Variants in SYNGR4 observed in about 807,000 individuals in gnomAD.
The protein encoded by SYNGR4 is synaptogyrin-4.
A neutral mutation model predicts 15.5 loss-of-function variants in SYNGR4; 15 were observed. The observed-to-expected ratio is 0.97, with a 90% CI of 0.65 to 1.49. SYNGR4 has a LOEUF of 1.49. Among genes scored for constraint, SYNGR4 ranks in the 40% most tolerant of loss-of-function variants. The pLI, the probability that SYNGR4 is intolerant of heterozygous loss-of-function variation, is 0.00. For missense variants in SYNGR4, 292 were observed against 299.3 expected (o/e 0.98, Z 0.18); for synonymous variants, 121 against 127.4 (o/e 0.95, Z 0.34).
intron 1 of SYNGR4, among the ~76,000 whole-genome samples, chr19:48,365,180 C>G (rs1022881460): frequency 6.6e-6 from 1 of 151,426 alleles, no homozygotes; most frequent in East Asian, 1.9e-4. Flanking sequence ...CCTCCCCACA[C>G]GACACCTTGC....
chr19:48,373,884 G>A (rs1970355537), intron 3 of SYNGR4, 130 bp downstream of exon 3: 3 of 877,264 alleles, frequency 3.4e-6, no homozygotes, highest in Admixed American at 2.0e-5. Flanking sequence ...CTCCCAGTAG[G>A]AGGCATCTGA....
At position 48,373,358 on chromosome 19, in the gene SYNGR4, G is replaced by T. The variant is rs1204055822; in HGVS notation, c.94-159G>T. On this transcript the variant is annotated intron_variant, in intron 2 of 4. Coordinates refer to ENST00000344846, the MANE Select transcript of SYNGR4 (RefSeq NM_012451.4). Reference sequence around the variant, plus strand: ...CAGGATGGAGCAGAGGGGACGAGGGGCAGGAAGCTGAGGGCTCTGACACTG... The same window carrying T: ...CAGGATGGAGCAGAGGGGACGAGGGTCAGGAAGCTGAGGGCTCTGACACTG... 6 of 670,932 alleles carry T rather than the reference G, an allele frequency of 8.9e-6. No homozygotes were observed. The East Asian group carries it at 1.3e-4, about 15-fold the overall frequency. 41.6% of individuals were successfully genotyped at this position (670,932 alleles called of 1,614,324 possible).
intron 2 of SYNGR4, among the ~76,000 whole-genome samples, chr19:48,372,842 A>T (rs1970330139): frequency 2.0e-5 from 3 of 152,160 alleles, no homozygotes; most frequent in African/African-American, 7.2e-5. Context: ...TGAACCTAAG[A>T]AATTAATAGG....
chr19:48,374,825 A>C (rs1388284856), intron 3 of SYNGR4, among the ~76,000 whole-genome samples: 1 of 151,708 alleles, frequency 6.6e-6, no homozygotes, highest in Non-Finnish European at 1.5e-5. Context: ...AAAATACAAA[A>C]ATTAGCTGGG....
In SYNGR4 at chr19:48,371,370, C is replaced by T. The variant is rs557528046; in HGVS notation, c.94-2147C>T. 5.9e-5 allele frequency among the ~76,000 whole-genome samples: 9 copies of T among 151,686 alleles called. No individual in the cohort carries two copies. In the East Asian group the frequency reaches 9.7e-4, roughly 16 times the overall value. On this transcript the variant is annotated intron_variant, in intron 2 of 4. Coordinates refer to ENST00000344846, the MANE Select transcript of SYNGR4 (RefSeq NM_012451.4). ...CCACCACCCCATCTACACACCAGCT[C>T]GTCTTTGTCTGGCACAGACCTGCCC...
At position 48,365,766 on chromosome 19, in the gene SYNGR4, C is replaced by A; in HGVS notation, c.-77C>A. 2 of 1,514,126 alleles carry A rather than the reference C, an allele frequency of 1.3e-6. No homozygotes were observed. The highest frequency in any genetic ancestry group is 1.8e-6 in the Non-Finnish European group (2 of 1,097,204). The allele number at this position is 1,514,126 out of a possible 1,614,324, so 93.8% of individuals were successfully genotyped here. A position where few individuals can be genotyped will look rare whatever the true frequency, so the allele number is the denominator to read the frequency against. Reference sequence around the variant, plus strand: ...AAGCCCAGGGCTGGCCTGAAGCCCCCGGACGGCAGTGCCCAGCAGGCAGCG... The same window carrying A: ...AAGCCCAGGGCTGGCCTGAAGCCCCAGGACGGCAGTGCCCAGCAGGCAGCG... On this transcript the variant is annotated 5_prime_UTR_variant, in exon 2 of 5. Transcript: ENST00000344846.
At chr19:48,373,471 C>T in intron 2 of SYNGR4, 46 bp from the exon 3 acceptor site, 1 of 1,546,626 alleles carries the variant, frequency 6.5e-7, no homozygotes, top group Admixed American at 1.7e-5. Context: ...GGAGGAGCAG[C>T]TTCAGGGAGA....
At chr19:48,367,023 G>A (rs942621290) in intron 2 of SYNGR4, among the ~76,000 whole-genome samples, 3 of 151,970 alleles carry the variant, frequency 2.0e-5, no homozygotes, top group Non-Finnish European at 2.9e-5. Context: ...GCATGGTGGC[G>A]CAAGCCTGTA....
intron 2 of SYNGR4, among the ~76,000 whole-genome samples, chr19:48,369,913 C>T (rs1970279370): frequency 6.6e-6 from 1 of 152,178 alleles, no homozygotes; most frequent in South Asian, 2.1e-4. Flanking sequence ...CCAAGGGTTG[C>T]TGTGCAGATC....
intron 3 of SYNGR4, 44 bp from the exon 4 acceptor site, chr19:48,375,569 G>A: frequency 6.3e-7 from 1 of 1,586,448 alleles, no homozygotes; most frequent in East Asian, 2.3e-5. Context: ...CCCTGCCTGA[G>A]TGAGCTTTCC....
At chr19:48,366,882 G>A (rs887254303) in intron 2 of SYNGR4, among the ~76,000 whole-genome samples, 2 of 152,130 alleles carry the variant, frequency 1.3e-5, no homozygotes, top group Admixed American at 6.5e-5. Flanking sequence ...GGCTGGGTGT[G>A]GTGGTTCATG....
chr19:48,375,605 C>T lies in SYNGR4; in HGVS notation c.332-8C>T, dbSNP rs192341974. The T allele has an allele frequency of 1.8e-4, 285 of 1,607,568 alleles. 2 individuals are homozygous for T. The African/African-American group carries it at 2.8e-3, about 16-fold the overall frequency. On this transcript the variant is annotated splice_polypyrimidine_tract_variant and splice_region_variant and intron_variant, in intron 3 of 4. Coordinates refer to ENST00000344846, the MANE Select transcript of SYNGR4 (RefSeq NM_012451.4). Reference sequence around the variant, plus strand: ...CCCTGCCCCTTTTCTCTCCCTGTGACGCCACAGTTCTCTGGGCAGTTGTCT... The same window carrying T: ...CCCTGCCCCTTTTCTCTCCCTGTGATGCCACAGTTCTCTGGGCAGTTGTCT...
rs749313906 is a variant in SYNGR4, at chr19:48,375,660, C to A, written c.379C>A (p.Gln127Lys). The change falls in exon 4 of 5, where the codon CAA (glutamine) becomes AAA (lysine). Residue 127 changes from glutamine to lysine, a missense_variant. Gln to Lys is a moderately conservative substitution (Grantham distance 53). Transcript: ENST00000344846. Reference protein sequence around the residue: ...WFMGFCFLANQWQHSPPKEFL... With the variant: ...WFMGFCFLANKWQHSPPKEFL... Reference sequence around the variant, plus strand: ...CATGGGTTTCTGCTTCCTGGCCAACCAATGGCAGCATTCGCCGCCCAAAGA... The same window carrying A: ...CATGGGTTTCTGCTTCCTGGCCAACAAATGGCAGCATTCGCCGCCCAAAGA... 10 of 1,614,032 alleles carry A rather than the reference C, an allele frequency of 6.2e-6. 1 individual carries two copies. In the South Asian group the frequency reaches 8.8e-5, roughly 14 times the overall value.
At chr19:48,375,856 T>C in intron 4 of SYNGR4, 104 bp downstream of exon 4, 1 of 1,537,844 alleles carries the variant, frequency 6.5e-7, no homozygotes, top group Non-Finnish European at 8.7e-7. Flanking sequence ...CCCCTGGGGG[T>C]CAGGGGTCGG....
chr19:48,366,774 C>T (rs1970229139), intron 2 of SYNGR4, among the ~76,000 whole-genome samples: 1 of 152,126 alleles, frequency 6.6e-6, no homozygotes, highest in Non-Finnish European at 1.5e-5. Context: ...CCTCACTTTG[C>T]ACTAATTAAA....
chr19:48,369,480 C>T (rs183655505), intron 2 of SYNGR4, among the ~76,000 whole-genome samples: 1 of 152,244 alleles, frequency 6.6e-6, no homozygotes, highest in Admixed American at 6.5e-5. Flanking sequence ...GGACGCCTTC[C>T]CTCTCTGGGC....
intron 3 of SYNGR4, among the ~76,000 whole-genome samples, chr19:48,375,180 C>T (rs886252114): frequency 1.3e-5 from 2 of 151,742 alleles, no homozygotes; most frequent in Non-Finnish European, 2.9e-5. Flanking sequence ...TGCCCGCCAC[C>T]GTGCTGGGCT....
At chr19:48,370,929 C>A (rs532942954) in intron 2 of SYNGR4, among the ~76,000 whole-genome samples, 1 of 152,218 alleles carries the variant, frequency 6.6e-6, no homozygotes, top group South Asian at 2.1e-4. Flanking sequence ...GTCTTGCCCA[C>A]CTCCGATCCA....
At chr19:48,370,622 C>T (rs928931675) in intron 2 of SYNGR4, among the ~76,000 whole-genome samples, 9 of 152,002 alleles carry the variant, frequency 5.9e-5, no homozygotes, top group African/African-American at 1.7e-4. Flanking sequence ...TGCAGTGGTG[C>T]GATCACAGCT....
Sources: allele counts gnomAD v4.1 joint callset (sites outside exome capture counted in the v4.1 genomes callset), GRCh38; gene constraint gnomAD v4.1.1; transcripts MANE v1.5; gene names NCBI Gene and HGNC (gene_info 2026-07-23, HGNC 2026-07-21).